The following TAS2R1 variants were observed in gnomAD, a reference collection of about 807,000 sequenced individuals.
TAS2R1 encodes taste receptor type 2 member 1.
For missense variants in TAS2R1, 370 were observed against 353.4 expected (o/e 1.05, Z -0.38); for synonymous variants, 141 against 134.2 (o/e 1.05, Z -0.35).
chr5:9,771,315 A>T, the TAS2R1 span, among the ~76,000 whole-genome samples: 1 of 152,160 alleles, frequency 6.6e-6, no homozygotes, highest in Non-Finnish European at 1.5e-5. Context: ...ATGATGTATC[A>T]CACTGATTGA....
At chr5:9,864,732 A>C in the TAS2R1 span, among the ~76,000 whole-genome samples, 1 of 152,010 alleles carries the variant, frequency 6.6e-6, no homozygotes, top group Non-Finnish European at 1.5e-5. Context: ...ACAAAAAATT[A>C]AACCCATTAA....
upstream of TAS2R1, among the ~76,000 whole-genome samples, chr5:9,714,701 G>A (rs1285319537): frequency 1.3e-5 from 2 of 152,212 alleles, no homozygotes; most frequent in East Asian, 1.9e-4. Flanking sequence ...CTGCTGGTTC[G>A]GGATTCTGGC....
Position 9,681,531 on chromosome 5 carries a change from C to CAAAAAAAAAAAAAAAAAAAAAAA in TAS2R1, c.-241-21951_-241-21950insTTTTTTTTTTTTTTTTTTTTTTT, listed in dbSNP as rs10681888. The stretch of plus-strand genomic sequence containing the variant: ...TTTCAGGGGACTTCTCATGTTTCTG[C>CAAAAAAAAAAAAAAAAAAAAAAA]AAAAAAAAAAAAAAAAAAAGATGCC... On this transcript the variant is annotated intron_variant, in intron 1 of 2. Transcript: ENST00000506620. 7.1e-4 allele frequency among the ~76,000 whole-genome samples: 62 copies of CAAAAAAAAAAAAAAAAAAAAAAA among 87,866 alleles called. 2 individuals are homozygous for CAAAAAAAAAAAAAAAAAAAAAAA. Among genetic ancestry groups the CAAAAAAAAAAAAAAAAAAAAAAA allele is most frequent in the East Asian group, 1.6e-3 (4 of 2,550 alleles). 57.6% of individuals were successfully genotyped at this position (87,866 alleles called of 152,430 possible).
chr5:9,890,303 T>C, the TAS2R1 span, among the ~76,000 whole-genome samples: 1 of 152,304 alleles, frequency 6.6e-6, no homozygotes, highest in African/African-American at 2.4e-5. Context: ...ATTCAAATAC[T>C]TCGTCAATAT....
intron 1 of TAS2R1, among the ~76,000 whole-genome samples, chr5:9,669,517 C>T (rs1561374248): frequency 6.6e-6 from 1 of 152,086 alleles, no homozygotes; most frequent in Non-Finnish European, 1.5e-5. Context: ...TGGCCATAAA[C>T]TGTCCTCAGC....
At chr5:9,705,717 G>A (rs28352) in intron 1 of TAS2R1, among the ~76,000 whole-genome samples, 28,151 of 151,988 alleles carry the variant, frequency 0.19, 3,236 homozygotes, top group Admixed American at 0.32. Flanking sequence ...AAAATTAGCC[G>A]GGCATCGTGG....
At chr5:9,638,542 T>G (rs1740011029) in intron 2 of TAS2R1, among the ~76,000 whole-genome samples, 2 of 152,184 alleles carry the variant, frequency 1.3e-5, no homozygotes, top group African/African-American at 4.8e-5. Flanking sequence ...TTTAATGACC[T>G]GAGTTGGTTG....
chr5:9,829,245 G>C, the TAS2R1 span, among the ~76,000 whole-genome samples: 1 of 152,124 alleles, frequency 6.6e-6, no homozygotes, highest in Non-Finnish European at 1.5e-5. Context: ...GAATAATAAA[G>C]GCATTTAAAT....
At chr5:9,892,583 C>T in the TAS2R1 span, among the ~76,000 whole-genome samples, 51 of 152,140 alleles carry the variant, frequency 3.4e-4, no homozygotes, top group Non-Finnish European at 5.9e-4. Context: ...TTCATGCTCT[C>T]TGGAGATGCC....
upstream of TAS2R1, among the ~76,000 whole-genome samples, chr5:9,631,665 T>C (rs756470503): frequency 4.6e-5 from 7 of 152,226 alleles, no homozygotes; most frequent in East Asian, 1.9e-4. Context: ...GACCTGATAA[T>C]GAAGCATATG....
the TAS2R1 span, among the ~76,000 whole-genome samples, chr5:9,790,376 C>T: frequency 1.3e-5 from 2 of 151,856 alleles, no homozygotes; most frequent in African/African-American, 4.8e-5. Context: ...TTAAACTCAA[C>T]CATATAGTTA....
the TAS2R1 span, among the ~76,000 whole-genome samples, chr5:9,868,611 T>C: frequency 1.3e-5 from 2 of 152,208 alleles, no homozygotes; most frequent in African/African-American, 4.8e-5. Flanking sequence ...TCTGACATGC[T>C]TTGGAGACAT....
At chr5:9,770,544 A>G in the TAS2R1 span, among the ~76,000 whole-genome samples, 1 of 152,166 alleles carries the variant, frequency 6.6e-6, no homozygotes, top group Non-Finnish European at 1.5e-5. Flanking sequence ...TCCAAACTGT[A>G]AAAATGGAAT....
chr5:9,707,397 T>A (rs1028384863), intron 1 of TAS2R1, among the ~76,000 whole-genome samples: 44 of 152,250 alleles, frequency 2.9e-4, no homozygotes, highest in Non-Finnish European at 5.7e-4. Context: ...GACATTTCCA[T>A]CCCCAAGTCA....
At chr5:9,711,783 C>A (rs1377024713) in intron 1 of TAS2R1, among the ~76,000 whole-genome samples, 1 of 152,090 alleles carries the variant, frequency 6.6e-6, no homozygotes, top group Non-Finnish European at 1.5e-5. Context: ...CCACCTCAGC[C>A]TCCTGAGTAG....
the TAS2R1 span, among the ~76,000 whole-genome samples, chr5:9,771,933 T>C: frequency 1.3e-5 from 2 of 152,024 alleles, no homozygotes; most frequent in Non-Finnish European, 2.9e-5. Context: ...GTCAATTTTG[T>C]TTATCTCTTC....
chr5:9,892,734 A>G, the TAS2R1 span, among the ~76,000 whole-genome samples: 6 of 152,134 alleles, frequency 3.9e-5, no homozygotes, highest in African/African-American at 1.2e-4. Context: ...CATTCTTTCC[A>G]TTGGAACTTC....
rs532756645 is a variant in TAS2R1 at position 9,686,065 on chromosome 5, A to G, written c.-242+26107T>C. ...TTTTTAGTAGAGACAGGGTTTCGCC[A>G]TGTTGACCAGGCTGATCTCGAACTC... On this transcript the variant is annotated intron_variant, in intron 1 of 2. Transcript: ENST00000506620. 2.6e-5 allele frequency among the ~76,000 whole-genome samples: 4 copies of G among 152,164 alleles called. No individual in the cohort carries two copies. The South Asian group carries it at 8.3e-4, about 32-fold the overall frequency.
chr5:9,892,710 G>A, the TAS2R1 span, among the ~76,000 whole-genome samples: 1 of 152,120 alleles, frequency 6.6e-6, no homozygotes, highest in African/African-American at 2.4e-5. Flanking sequence ...CTGCGGAAAA[G>A]CGCCTCTTAT....
Sources: allele counts gnomAD v4.1 joint callset (sites outside exome capture counted in the v4.1 genomes callset), GRCh38; gene constraint gnomAD v4.1.1; transcripts MANE v1.5; gene names NCBI Gene and HGNC (gene_info 2026-07-23, HGNC 2026-07-21).